The following OXA1L variants were observed in gnomAD, a reference collection of about 807,000 sequenced individuals.
OXA1L encodes mitochondrial inner membrane protein OXA1L.
A neutral mutation model predicts 52.2 loss-of-function variants in OXA1L; 42 were observed. That is an observed-to-expected ratio of 0.80 (90% CI 0.63 to 1.04). The LOEUF (loss-of-function observed/expected upper bound fraction) is 1.04, where lower values mean the gene tolerates loss of function less well. Among genes scored for constraint, OXA1L ranks in the 50% least tolerant of loss-of-function variants. OXA1L has a pLI of 0.00. For missense variants in OXA1L, 572 were observed against 555.0 expected (o/e 1.03, Z -0.31); for synonymous variants, 239 against 201.9 (o/e 1.18, Z -1.56).
At chr14:22,766,991 C>T (rs1427377665) in intron 1 of OXA1L, 4 of 1,531,940 alleles carry the variant, frequency 2.6e-6, no homozygotes, top group Non-Finnish European at 3.5e-6. Flanking sequence ...GAGAGCACCT[C>T]GGCCTCGTTC....
Position 22,770,352 on chromosome 14 carries a change from G to A in OXA1L, c.669+74G>A. The A allele has an allele frequency of 3.3e-6, 5 of 1,526,310 alleles. No individual in the cohort carries two copies. The South Asian group carries it at 3.4e-5, about 10-fold the overall frequency. The allele number at this position is 1,526,310 out of a possible 1,614,324, so 94.5% of individuals were successfully genotyped here. A position where few individuals can be genotyped will look rare whatever the true frequency, so the allele number is the denominator to read the frequency against. On this transcript the variant is annotated intron_variant, in intron 5 of 9. Transcript: ENST00000612549. The stretch of plus-strand genomic sequence containing the variant: ...TCCTCTCTGTGTTTCATGTGTCCCA[G>A]GTCCCCCAAAAAACAGGTGGTGGTG...
At position 22,771,359 on chromosome 14, in the gene OXA1L, C is replaced by A; in HGVS notation, c.1183+11C>A. ...AGCTAGCAGCCAGGGGTAAATAGTC[C>A]TTTCAGGCCAAATTCTGTCTTTTGT... On this transcript the variant is annotated intron_variant, in intron 9 of 9. Transcript: ENST00000612549. 2 of 1,613,922 alleles carry A rather than the reference C, an allele frequency of 1.2e-6. No homozygotes were observed. The highest frequency in any genetic ancestry group is 1.1e-5 in the South Asian group (1 of 91,068).
chr14:22,767,925 A>C (rs746434431), intron 2 of OXA1L, 33 bp from the exon 3 acceptor site: 1 of 1,547,158 alleles, frequency 6.5e-7, no homozygotes, highest in Non-Finnish European at 8.9e-7. Flanking sequence ...TTCGCTACTG[A>C]ATAAATATAA....
intron 3 of OXA1L, chr14:22,768,559 C>T (rs1165789546): frequency 9.5e-6 from 2 of 211,390 alleles, no homozygotes; most frequent in Non-Finnish European, 2.0e-5. Context: ...GTCTTTCTGC[C>T]ACGTTGCTCC....
chr14:22,770,879 A>G lies in OXA1L; in HGVS notation c.909A>G (p.Ile303Met), dbSNP rs758936228. ...ATGTCATCAGAATGATGCCCCTGAT[A>G]ACCTTGCCCATAACCATGCATTTCC... is the stretch of plus-strand genomic sequence containing the variant. ...MRNVIRMMPL[I>M]TLPITMHFPT... The change falls in exon 7 of 10, where the codon ATA (isoleucine) becomes ATG (methionine). Residue 303 changes from isoleucine (I) to methionine (M), a missense_variant. Physicochemically the swap from Ile to Met is conservative, Grantham distance 10. Transcript: ENST00000612549. 3 of 1,614,174 alleles carry G rather than the reference A, an allele frequency of 1.9e-6. No homozygotes were observed. The highest frequency in any genetic ancestry group is 4.5e-5 in the East Asian group (2 of 44,888).
chr14:22,772,321 A>C lies in OXA1L; in HGVS notation c.*763A>C, dbSNP rs1324340391. On this transcript the variant is annotated 3_prime_UTR_variant, in exon 10 of 10. Coordinates refer to ENST00000612549, the MANE Select transcript of OXA1L (RefSeq NM_005015.5). ...AACATGGTGAAACCCCGTCTCTACT[A>C]AAAAAAAAAAAAAAAAAATTAGCCG... is the stretch of plus-strand genomic sequence containing the variant. 3 of 25,264 alleles carry C rather than the reference A, an allele frequency of 1.2e-4. No individual in the cohort carries two copies. The highest frequency in any genetic ancestry group is 5.3e-4 in the Admixed American group (1 of 1,890). 1.6% of individuals were successfully genotyped at this position (25,264 alleles called of 1,614,324 possible). A position where few individuals can be genotyped will look rare whatever the true frequency, so the allele number is the denominator to read the frequency against.
chr14:22,769,955 G>T lies in OXA1L; in HGVS notation c.583+21G>T. ...TGAGTGTGAGTCAGTTGCAGAATGAGCGTGGGAGAAGTCCACATTTGCACT... is the reference window on the plus strand; with the variant it reads ...TGAGTGTGAGTCAGTTGCAGAATGATCGTGGGAGAAGTCCACATTTGCACT... On this transcript the variant is annotated intron_variant, in intron 4 of 9. Transcript: ENST00000612549. 3.7e-6 allele frequency: 6 copies of T among 1,613,386 alleles called. No homozygotes were observed. The South Asian group carries it at 6.6e-5, about 18-fold the overall frequency.
chr14:22,768,768 A>G (rs2038432315), intron 3 of OXA1L: 1 of 155,318 alleles, frequency 6.4e-6, no homozygotes, highest in South Asian at 1.9e-4. Context: ...ATTTTTGTGG[A>G]TACCTAGTAG....
rs915964346 is a variant in OXA1L, at chr14:22,772,981, T to C, written c.*1423T>C. The stretch of plus-strand genomic sequence containing the variant: ...CTCCAGCCTTGGCTACAGAGCAAGA[T>C]CCTGTCTCAAAAAGGAAGTTCATGT... On this transcript the variant is annotated 3_prime_UTR_variant, in exon 10 of 10. Coordinates refer to ENST00000612549, the MANE Select transcript of OXA1L (RefSeq NM_005015.5). The C allele has an allele frequency of 3.8e-6, 1 of 263,120 alleles. No homozygotes were observed. Among genetic ancestry groups the C allele is most frequent in the African/African-American group, 2.3e-5 (1 of 44,146 alleles). 16.3% of individuals were successfully genotyped at this position (263,120 alleles called of 1,614,324 possible). A position where few individuals can be genotyped will look rare whatever the true frequency, so the allele number is the denominator to read the frequency against.
Position 22,767,248 on chromosome 14 carries a change from G to A in OXA1L, c.64G>A (p.Val22Ile), listed in dbSNP as rs766495178. The A allele has an allele frequency of 6.2e-7, 1 of 1,607,582 alleles. No homozygotes were observed. The highest frequency in any genetic ancestry group is 8.5e-7 in the Non-Finnish European group (1 of 1,177,534). The change falls in exon 2 of 10, where the codon GTC becomes ATC. Residue 22 changes from valine to isoleucine, a missense_variant and splice_region_variant. Val to Ile is a conservative substitution (Grantham distance 29, BLOSUM62 3). Around this residue, in one of 5 missense-constraint regions of OXA1L, gnomAD observed 186 missense variants for 151.8 expected, o/e 1.23. Coordinates refer to ENST00000612549, the MANE Select transcript of OXA1L (RefSeq NM_005015.5). ...LLRLLQSGRRVHSVAGPSQWL... is the reference protein window; with the variant it reads ...LLRLLQSGRRIHSVAGPSQWL... ...CTCCATCATCCTTTTACACGCTCAGGTCCACAGCGTCGCAGGGCCCTCGCA... is the reference window on the plus strand; with the variant it reads ...CTCCATCATCCTTTTACACGCTCAGATCCACAGCGTCGCAGGGCCCTCGCA...
rs375425650 is a variant in OXA1L, at chr14:22,767,321, C to T, written c.137C>T (p.Pro46Leu). The change falls in exon 2 of 10, where the codon CCG becomes CTG. Residue 46 changes from proline (P) to leucine (L), a missense_variant. Pro to Leu is a moderately conservative substitution (Grantham distance 98). Around this residue, in one of 5 missense-constraint regions of OXA1L, gnomAD observed 186 missense variants for 151.8 expected, o/e 1.23. Coordinates refer to ENST00000612549, the MANE Select transcript of OXA1L (RefSeq NM_005015.5). ...LTTRLLFPAA[P>L]CCCRPHYLFL... is the part of the protein sequence containing the mutation. ...ACACGGCTCCTATTCCCAGCAGCCC[C>T]GTGCTGCTGTCGCCCACACTACCTC... 8.7e-6 allele frequency: 14 copies of T among 1,613,488 alleles called. No individual in the cohort carries two copies. In the African/African-American group the frequency reaches 9.3e-5, roughly 11 times the overall value.
intron 3 of OXA1L, chr14:22,768,489 T>G: frequency 2.1e-5 from 7 of 334,624 alleles, no homozygotes; most frequent in South Asian, 6.7e-5. Context: ...CTTAAACCCC[T>G]AAATTGGGAA....
intron 9 of OXA1L, 30 bp from the exon 10 acceptor site, chr14:22,771,404 G>T (rs745574010): frequency 6.2e-7 from 1 of 1,613,852 alleles, no homozygotes; most frequent in Non-Finnish European, 8.5e-7. Context: ...TCTGTTCTTC[G>T]TTGAAATTTG....
chr14:22,767,899 T>A, intron 2 of OXA1L, 59 bp from the exon 3 acceptor site: 2 of 1,323,016 alleles, frequency 1.5e-6, no homozygotes, highest in Middle Eastern at 4.4e-4. Flanking sequence ...TATAAAAAGA[T>A]CTCACTTGCT....
chr14:22,768,996 C>T (rs1035878279), intron 3 of OXA1L: 1 of 152,180 alleles, frequency 6.6e-6, no homozygotes, highest in South Asian at 2.1e-4. Flanking sequence ...AGTCTCAGCT[C>T]ACTGCAACCT....
chr14:22,767,236 T>A lies in OXA1L; in HGVS notation c.64-12T>A. Reference sequence around the variant, plus strand: ...CCGGTAAAGGGGCTCCATCATCCTTTTACACGCTCAGGTCCACAGCGTCGC... The same window carrying A: ...CCGGTAAAGGGGCTCCATCATCCTTATACACGCTCAGGTCCACAGCGTCGC... On this transcript the variant is annotated splice_polypyrimidine_tract_variant and intron_variant, in intron 1 of 9. Transcript: ENST00000612549. The A allele has an allele frequency of 6.3e-7, 1 of 1,598,196 alleles. No homozygotes were observed. Among genetic ancestry groups the A allele is most frequent in the Non-Finnish European group, 8.5e-7 (1 of 1,173,646 alleles).
rs937198036 is a variant in OXA1L, at chr14:22,771,968, C to G, written c.*410C>G. On this transcript the variant is annotated 3_prime_UTR_variant, in exon 10 of 10. Transcript: ENST00000612549. ...ACAAAAATAGCCACACGTGGTGGTG[C>G]ACACCTGTAGTCCCAGCTACTCGGG... 4.2e-5 allele frequency: 8 copies of G among 190,272 alleles called. No homozygotes were observed. Among genetic ancestry groups the G allele is most frequent in the East Asian group, 2.7e-4 (2 of 7,490 alleles). 11.8% of individuals were successfully genotyped at this position (190,272 alleles called of 1,614,324 possible).
At position 22,771,294 on chromosome 14, in the gene OXA1L, C is replaced by A. The variant is rs1157746791; in HGVS notation, c.1129C>A (p.Gln377Lys). ...KGWKNAEMTR[Q>K]LREREQRMRN... is the part of the protein sequence containing the mutation. ...CTGGAAAAATGCTGAAATGACGCGT[C>A]AGCTGCGAGAGCGTGAACAACGCAT... is the stretch of plus-strand genomic sequence containing the variant. The change falls in exon 9 of 10, where the codon CAG becomes AAG. Residue 377 changes from glutamine (Q) to lysine (K), a missense_variant. Gln to Lys is a moderately conservative substitution (Grantham distance 53). Transcript: ENST00000612549. 1 of 1,614,184 alleles carries A rather than the reference C, an allele frequency of 6.2e-7. No homozygotes were observed. The highest frequency in any genetic ancestry group is 1.1e-5 in the South Asian group (1 of 91,074).
At chr14:22,770,095 G>A in intron 4 of OXA1L, 98 bp from the exon 5 acceptor site, 1 of 1,344,736 alleles carries the variant, frequency 7.4e-7, no homozygotes. Flanking sequence ...GAGTGGCCAG[G>A]GTTGGTTAGA....
Sources: allele counts gnomAD v4.1 joint callset, GRCh38; gene constraint gnomAD v4.1.1; regional missense constraint gnomAD v4.1.1; transcripts MANE v1.5; gene names NCBI Gene and HGNC (gene_info 2026-07-23, HGNC 2026-07-21).